Variants in TTC6 observed in about 807,000 individuals in gnomAD.
TTC6 encodes the protein tetratricopeptide repeat protein 6.
TTC6 carries 172 observed loss-of-function variants against 210.4 expected under a neutral mutation model. The ratio of observed to expected loss-of-function variants is 0.82; its 90% CI spans 0.72 to 0.93. The LOEUF (loss-of-function observed/expected upper bound fraction) is 0.93, where lower values mean the gene tolerates loss of function less well. TTC6 is among the 40% of genes least tolerant of loss of function. TTC6 has a pLI of 0.00. For synonymous variants in TTC6, 804 were observed against 819.6 expected (o/e 0.98, Z 0.32); for missense variants, 2,414 against 2,318.1 (o/e 1.04, Z -0.85).
intron 8 of TTC6, among the ~76,000 whole-genome samples, chr14:37,736,882 G>A (rs538786316): frequency 6.6e-6 from 1 of 152,178 alleles, no homozygotes; most frequent in South Asian, 2.1e-4. Context: ...AGCCTCTTGA[G>A]TATCTGGGAC....
chr14:37,599,758 G>A (rs1009147476), intron 1 of TTC6, among the ~76,000 whole-genome samples: 2 of 152,192 alleles, frequency 1.3e-5, no homozygotes, highest in Admixed American at 1.3e-4. Flanking sequence ...CTGGGCAGTC[G>A]ACAGCGTTGG....
At chr14:37,688,467 A>G (rs1210617011) in intron 3 of TTC6, among the ~76,000 whole-genome samples, 1 of 152,016 alleles carries the variant, frequency 6.6e-6, no homozygotes, top group East Asian at 1.9e-4. Flanking sequence ...GGGAGTGGTT[A>G]TAGCAGGCCT....
At chr14:37,613,235 A>T (rs974651840) in intron 2 of TTC6, among the ~76,000 whole-genome samples, 2 of 152,104 alleles carry the variant, frequency 1.3e-5, no homozygotes, top group African/African-American at 4.8e-5. Context: ...AATAATCATA[A>T]TATTTTCATG....
intron 1 of TTC6, among the ~76,000 whole-genome samples, chr14:37,600,489 C>A (rs1315160233): frequency 6.6e-6 from 1 of 152,062 alleles, no homozygotes; most frequent in Non-Finnish European, 1.5e-5. Context: ...AATCCACTCG[C>A]GCCCCTCCCC....
At chr14:37,819,162 T>G (rs2139471126) in intron 26 of TTC6, among the ~76,000 whole-genome samples, 1 of 152,312 alleles carries the variant, frequency 6.6e-6, no homozygotes, top group Admixed American at 6.5e-5. Context: ...TGTAAACCTC[T>G]GAAAACTCAG....
intron 1 of TTC6, among the ~76,000 whole-genome samples, chr14:37,641,709 C>A (rs1047874639): frequency 6.6e-6 from 1 of 152,000 alleles, no homozygotes; most frequent in Non-Finnish European, 1.5e-5. Flanking sequence ...CATACATTTT[C>A]TTTGATATAT....
At chr14:37,701,587 C>T in intron 5 of TTC6, 61 bp downstream of exon 7, 1 of 1,338,058 alleles carries the variant, frequency 7.5e-7, no homozygotes, top group Non-Finnish European at 9.8e-7. Flanking sequence ...TAAATCCTGC[C>T]TTTTGAGTTC....
chr14:37,832,932 C>A lies in TTC6; in HGVS notation c.5298+5566C>A, dbSNP rs926883137. The stretch of plus-strand genomic sequence containing the variant: ...AATTAGCTGTGTGTGGTGGTGCATA[C>A]CTGTAGTCCCAGCTACTCAGGAGGC... On this transcript the variant is annotated intron_variant, in intron 29 of 30. Coordinates refer to ENST00000553443, the Ensembl canonical transcript of TTC6. 2.6e-5 allele frequency among the ~76,000 whole-genome samples: 4 copies of A among 151,796 alleles called. No homozygotes were observed. The East Asian group carries it at 7.7e-4, about 29-fold the overall frequency.
chr14:37,681,636 C>T (rs1957588), intron 2 of TTC6, among the ~76,000 whole-genome samples: 52,722 of 151,784 alleles, frequency 0.35, 10,742 homozygotes, highest in Admixed American at 0.49. Context: ...ATCCATCCCC[C>T]CTGCCCTCAG....
intron 1 of TTC6, among the ~76,000 whole-genome samples, chr14:37,627,455 C>T (rs1337977858): frequency 6.6e-6 from 1 of 151,144 alleles, no homozygotes; most frequent in Non-Finnish European, 1.5e-5. Flanking sequence ...CCTCCCCTAG[C>T]CCCCCACCCC....
At chr14:37,706,404 G>T (rs1013102621) in intron 5 of TTC6, among the ~76,000 whole-genome samples, 2 of 151,942 alleles carry the variant, frequency 1.3e-5, no homozygotes, top group African/African-American at 4.8e-5. Context: ...CTCAACATTG[G>T]AGTGCCCAGG....
intron 1 of TTC6, among the ~76,000 whole-genome samples, chr14:37,628,397 T>C (rs372235084): frequency 2.0e-5 from 3 of 152,238 alleles, no homozygotes; most frequent in South Asian, 4.1e-4. Flanking sequence ...GTTGACCACA[T>C]AAATGTCTTC....
At chr14:37,837,954 C>T (rs1333308146) in intron 29 of TTC6, among the ~76,000 whole-genome samples, 1 of 152,126 alleles carries the variant, frequency 6.6e-6, no homozygotes, top group Non-Finnish European at 1.5e-5. Context: ...ACAGAAATGT[C>T]ATGGAAGACA....
intron 29 of TTC6, among the ~76,000 whole-genome samples, 187 bp from the exon 32 acceptor site, chr14:37,841,258 C>G (rs1374091705): frequency 2.6e-5 from 4 of 152,128 alleles, no homozygotes; most frequent in Non-Finnish European, 5.9e-5. Context: ...AAAAGCAGGT[C>G]AACTTTTGGT....
intron 14 of TTC6, among the ~76,000 whole-genome samples, chr14:37,782,576 G>A (rs12891182): frequency 0.012 from 1,688 of 146,494 alleles, 26 homozygotes; most frequent in Non-Finnish European, 0.018. Flanking sequence ...TCTGCAAACA[G>A]GGACAATTTG....
intron 13 of TTC6, 86 bp downstream of exon 15, chr14:37,751,311 T>G (rs1566930467): frequency 4.3e-6 from 4 of 932,622 alleles, no homozygotes; most frequent in Non-Finnish European, 1.5e-6. Context: ...TTTTTGAAGG[T>G]CTTTTTGTAT....
Position 37,841,589 on chromosome 14 carries a change from T to C in TTC6, c.5443T>C (p.Trp1815Arg), listed in dbSNP as rs61740232. 1.7e-3 allele frequency: 2,719 copies of C among 1,606,868 alleles called. 7 individuals are homozygous for C. The highest frequency in any genetic ancestry group is 9.8e-3 in the Middle Eastern group (59 of 6,036). The change falls in exon 30 of 31, where the codon TGG (tryptophan) becomes CGG (arginine). Residue 1815 changes from tryptophan (W) to arginine (R), a missense_variant. Coordinates refer to ENST00000553443, the Ensembl canonical transcript of TTC6. ...AAATGTAATTGAAAGCTGTCCCTTTTGGGCTGCAGTATATTTTAATAGAGC... is the reference window on the plus strand; with the variant it reads ...AAATGTAATTGAAAGCTGTCCCTTTCGGGCTGCAGTATATTTTAATAGAGC...
chr14:37,634,423 T>C (rs1267812713), intron 1 of TTC6, among the ~76,000 whole-genome samples: 1 of 151,998 alleles, frequency 6.6e-6, no homozygotes, highest in African/African-American at 2.4e-5. Context: ...TACAATATAC[T>C]TGAGCTGAAA....
At chr14:37,761,773 G>T (rs1175524169) in intron 14 of TTC6, among the ~76,000 whole-genome samples, 1 of 151,972 alleles carries the variant, frequency 6.6e-6, no homozygotes, top group African/African-American at 2.4e-5. Context: ...TTTATGTCTA[G>T]CTTCTTTCTC....
Sources: allele counts gnomAD v4.1 joint callset (sites outside exome capture counted in the v4.1 genomes callset), GRCh38; gene constraint gnomAD v4.1.1; transcripts MANE v1.5; gene names NCBI Gene and HGNC (gene_info 2026-07-23, HGNC 2026-07-21).